ATCAY: variants seen among roughly 807,000 people sequenced by gnomAD.
The protein encoded by ATCAY is caytaxin.
In ATCAY, 22 loss-of-function variants were observed where a neutral mutation model predicts 47.7. The ratio of observed to expected loss-of-function variants is 0.46; its 90% confidence interval spans 0.33 to 0.66. ATCAY has a LOEUF of 0.66. Ranked by LOEUF, ATCAY falls within the 30% of genes least tolerant of loss-of-function variation. The pLI is 0.02. For synonymous variants in ATCAY, 216 were observed against 207.6 expected (o/e 1.04, Z -0.35); for missense variants, 452 against 515.0 (o/e 0.88, Z 1.18).
Position 3,885,746 on chromosome 19 carries a change from C to A in ATCAY, c.-22C>A. The A allele has an allele frequency of 6.5e-7, 1 of 1,549,580 alleles. No individual in the cohort carries two copies. The highest frequency in any genetic ancestry group is 1.4e-5 in the African/African-American group (1 of 73,072). ...TTTCAGGGGTCATCCCTGCTTCAAG[C>A]CAGTGCCTCTTCCCAGCTCCCATGG... On this transcript the variant is annotated 5_prime_UTR_variant, in exon 2 of 13. Coordinates refer to ENST00000450849, the MANE Select transcript of ATCAY (RefSeq NM_033064.5).
At chr19:3,881,416 A>G (rs951070938) in intron 1 of ATCAY, among the ~76,000 whole-genome samples, 1 of 149,986 alleles carries the variant, frequency 6.7e-6, no homozygotes, top group African/African-American at 2.5e-5. Context: ...AAGTGTGTCG[A>G]TAAAGGCTGT....
intron 9 of ATCAY, 41 bp from the exon 10 acceptor site, chr19:3,917,701 G>A (rs770255637): frequency 6.2e-7 from 1 of 1,612,686 alleles, no homozygotes; most frequent in Non-Finnish European, 8.5e-7. Context: ...ATATCTCAGG[G>A]GAAAGGAAGG....
intron 7 of ATCAY, among the ~76,000 whole-genome samples, 180 bp downstream of exon 7, chr19:3,909,797 C>T (rs756170121): frequency 5.3e-5 from 8 of 151,968 alleles, no homozygotes; most frequent in Non-Finnish European, 8.8e-5. Flanking sequence ...TACAGAAAAA[C>T]TTTTAGGCCG....
intron 2 of ATCAY, among the ~76,000 whole-genome samples, chr19:3,900,776 T>G (rs2038809192): frequency 6.6e-6 from 1 of 152,022 alleles, no homozygotes; most frequent in South Asian, 2.1e-4. Flanking sequence ...GCTCAAGTGA[T>G]CCTCCTGCCT....
In ATCAY at chr19:3,907,828, G is replaced by A. The variant is rs765746243; in HGVS notation, c.453G>A (p.Gly151=). 1.9e-6 allele frequency: 3 copies of A among 1,613,874 alleles called. No homozygotes were observed. The highest frequency in any genetic ancestry group is 2.5e-6 in the Non-Finnish European group (3 of 1,179,870). The change falls in exon 5 of 13, where the codon GGG becomes GGA. Residue 151 remains glycine (G), a synonymous_variant. Coordinates refer to ENST00000450849, the MANE Select transcript of ATCAY (RefSeq NM_033064.5). The surrounding 1 kb of genome is among the most constrained non-coding windows in gnomAD (Gnocchi z 5.1). ...GTTEDGSAAN[G]RLWRTVIIGE... ...CGGAGGACGGCAGCGCCGCCAACGG[G>A]CGCCTGTGGCGGACAGTGATCATCG...
chr19:3,909,991 A>G (rs112405469), intron 7 of ATCAY, among the ~76,000 whole-genome samples: 1 of 152,124 alleles, frequency 6.6e-6, no homozygotes, highest in African/African-American at 2.4e-5. Context: ...TGGGAAGCTG[A>G]GGCAGGAGAA....
intron 1 of ATCAY, among the ~76,000 whole-genome samples, chr19:3,882,233 C>T (rs1191756891): frequency 6.6e-6 from 1 of 152,154 alleles, no homozygotes; most frequent in African/African-American, 2.4e-5. Context: ...CTATCTTGCC[C>T]GGGCTGGTCT....
intron 2 of ATCAY, among the ~76,000 whole-genome samples, chr19:3,886,462 C>T (rs535460371): frequency 2.3e-4 from 35 of 151,876 alleles, no homozygotes; most frequent in African/African-American, 8.4e-4. Context: ...GTGTGGCAGG[C>T]GCCTGTAGTC....
chr19:3,908,637 TCC>T (rs1278261061), intron 6 of ATCAY, among the ~76,000 whole-genome samples: 1 of 71,234 alleles, frequency 1.4e-5, no homozygotes. Flanking sequence ...CTCCTCCTCC[TCC>T]CCTTCTTCCT....
chr19:3,909,418 G>C, intron 6 of ATCAY, 68 bp from the exon 7 acceptor site: 2 of 1,524,716 alleles, frequency 1.3e-6, no homozygotes, highest in Admixed American at 3.7e-5. Flanking sequence ...AGGCAGGGTC[G>C]GCACCGCAGG....
chr19:3,908,240 A>T (rs1489611418), intron 5 of ATCAY, 28 bp from the exon 6 acceptor site: 1 of 1,543,548 alleles, frequency 6.5e-7, no homozygotes, highest in South Asian at 1.2e-5. Flanking sequence ...GAGGACTCTG[A>T]CGTTGCCGAT....
chr19:3,924,450 A>G (rs2039049317), intron 12 of ATCAY, 133 bp from the exon 13 acceptor site: 1 of 1,061,472 alleles, frequency 9.4e-7, no homozygotes, highest in African/African-American at 1.6e-5. Context: ...CCTGAAGGGC[A>G]TGTGCCACTC....
At chr19:3,885,109 T>TTTAAA (rs1555765610) in intron 1 of ATCAY, among the ~76,000 whole-genome samples, 1 of 70,326 alleles carries the variant, frequency 1.4e-5, no homozygotes, top group Non-Finnish European at 2.6e-5. Flanking sequence ...TTTTTTTTTT[T>TTTAAA]AAAAAAAAAA....
intron 2 of ATCAY, among the ~76,000 whole-genome samples, chr19:3,893,277 G>A (rs952961740): frequency 1.3e-5 from 2 of 150,928 alleles, no homozygotes; most frequent in African/African-American, 4.9e-5. Flanking sequence ...GGGTTCAAGC[G>A]ACTCTCCTGC....
intron 8 of ATCAY, 91 bp downstream of exon 8, chr19:3,910,980 CGT>C (rs2038917829): frequency 2.3e-6 from 3 of 1,311,560 alleles, no homozygotes; most frequent in Non-Finnish European, 2.2e-6. Context: ...CATGTGTGCA[CGT>C]GTGTGCGTGT....
At chr19:3,916,037 A>G (rs1413048587) in intron 9 of ATCAY, among the ~76,000 whole-genome samples, 1 of 152,012 alleles carries the variant, frequency 6.6e-6, no homozygotes, top group East Asian at 1.9e-4. Flanking sequence ...TGTCTCCATG[A>G]AACACTCACT....
chr19:3,926,511 G>A lies in ATCAY; in HGVS notation c.*1919G>A, dbSNP rs958544124. The A allele has an allele frequency of 8.5e-5, 13 of 152,178 alleles. No individual in the cohort carries two copies. Among genetic ancestry groups the A allele is most frequent in the African/African-American group, 3.1e-4 (13 of 41,444 alleles). The allele number at this position is 152,178 out of a possible 1,614,324, so 9.4% of individuals were successfully genotyped here. A position where few individuals can be genotyped will look rare whatever the true frequency, so the allele number is the denominator to read the frequency against. Reference sequence around the variant, plus strand: ...GGGCCAACCAGACCCACAATTAACTGAGCCTCAGTGAAAGCGTCCAGTGCA... The same window carrying A: ...GGGCCAACCAGACCCACAATTAACTAAGCCTCAGTGAAAGCGTCCAGTGCA... On this transcript the variant is annotated 3_prime_UTR_variant, in exon 13 of 13. Transcript: ENST00000450849.
chr19:3,902,519 T>C lies in ATCAY; in HGVS notation c.110T>C (p.Leu37Pro). Residue 37 changes from leucine to proline, a missense_variant, in exon 3 of 13, where the codon CTT becomes CCT. Coordinates refer to ENST00000450849, the MANE Select transcript of ATCAY (RefSeq NM_033064.5). The part of the protein sequence containing the change: ...PLPEETGVEL[L>P]GSPVEDTSSP... ...CCAGAAGAGACGGGGGTGGAACTGC[T>C]TGGCAGCCCGGTGGAAGACACATCC... 1 of 1,579,696 alleles carries C rather than the reference T, an allele frequency of 6.3e-7. No homozygotes were observed. Among genetic ancestry groups the C allele is most frequent in the South Asian group, 1.2e-5 (1 of 86,018 alleles).
chr19:3,899,530 G>C (rs888615457), intron 2 of ATCAY, among the ~76,000 whole-genome samples: 12 of 151,762 alleles, frequency 7.9e-5, no homozygotes, highest in African/African-American at 2.9e-4. Context: ...GGCCAGGCTA[G>C]TCTTGAACTC....
Sources: gnomAD v4.1 joint callset for allele counts (sites outside exome capture counted in the v4.1 genomes callset) on GRCh38, gnomAD v4.1.1 for gene constraint, Gnocchi (gnomAD v3.1) non-coding constraint, MANE v1.5 for transcripts, NCBI Gene and HGNC (gene_info 2026-07-23, HGNC 2026-07-21) for gene names.